Variants in SLC9C1 observed in about 807,000 individuals in gnomAD.
SLC9C1 encodes the protein sodium/hydrogen exchanger 10.
A neutral mutation model predicts 140.9 loss-of-function variants in SLC9C1; 97 were observed. The observed-to-expected ratio is 0.69, with a 90% CI of 0.58 to 0.82. The LOEUF is 0.82. Ranked by LOEUF, SLC9C1 falls within the 40% of genes least tolerant of loss-of-function variation. The pLI, the probability that SLC9C1 is intolerant of heterozygous loss-of-function variation, is 0.00. For missense variants in SLC9C1, 1,340 were observed against 1,389.3 expected, an observed-to-expected ratio of 0.96 and a Z score of 0.56; for synonymous variants, 440 against 442.6, an observed-to-expected ratio of 0.99 and a Z score of 0.07.
At chr3:112,153,708 A>G (rs970350301) in intron 27 of SLC9C1, among the ~76,000 whole-genome samples, 1 of 152,196 alleles carries the variant, frequency 6.6e-6, no homozygotes, top group African/African-American at 2.4e-5. Context: ...ACTCTTTTAT[A>G]GATGAAAAAA....
intron 13 of SLC9C1, among the ~76,000 whole-genome samples, chr3:112,225,626 GAATTGATTAA>G (rs2078663736): frequency 6.6e-6 from 1 of 151,920 alleles, no homozygotes; most frequent in Non-Finnish European, 1.5e-5. Context: ...CAGACTGGCT[GAATTGATTAA>G]AATATAAGAC....
At chr3:112,228,492 G>A (rs9838986) in intron 13 of SLC9C1, among the ~76,000 whole-genome samples, 114,798 of 151,976 alleles carry the variant, frequency 0.76, 43,757 homozygotes, top group East Asian at 0.99. Context: ...CATGGCTACA[G>A]TCTCAAAAGC....
intron 12 of SLC9C1, among the ~76,000 whole-genome samples, chr3:112,233,284 C>G (rs1034411783): frequency 2.0e-5 from 3 of 151,926 alleles, no homozygotes; most frequent in African/African-American, 7.3e-5. Flanking sequence ...CCAGGTTCGT[C>G]TCAAACTGCT....
rs368393572 is a variant in SLC9C1, at chr3:112,272,619, C to T, written c.613+2278G>A. On this transcript the variant is annotated intron_variant, in intron 6 of 28. Coordinates refer to ENST00000305815, the MANE Select transcript of SLC9C1 (RefSeq NM_183061.3). ...TGAAGTTCAGAGAAAGTCCTAATGTCTAAAAAAGTAAATTCATCGTTCTCT... is the reference window on the plus strand; with the variant it reads ...TGAAGTTCAGAGAAAGTCCTAATGTTTAAAAAAGTAAATTCATCGTTCTCT... Among the ~76,000 whole-genome samples the T allele has an allele frequency of 2.3e-4, 35 of 152,246 alleles. 1 individual carries two copies. The highest frequency in any genetic ancestry group is 8.4e-4 in the African/African-American group (35 of 41,542).
At chr3:112,212,886 C>T (rs1007071105) in intron 15 of SLC9C1, among the ~76,000 whole-genome samples, 4 of 152,106 alleles carry the variant, frequency 2.6e-5, no homozygotes, top group African/African-American at 9.7e-5. Flanking sequence ...AGAAGAACAA[C>T]CCCAAGACAC....
In SLC9C1 at chr3:112,240,001, G is replaced by A. The variant is rs186081653; in HGVS notation, c.1285C>T (p.Arg429Cys). 272 of 1,610,020 alleles carry A rather than the reference G, an allele frequency of 1.7e-4. 1 individual carries two copies. In the Admixed American group the frequency reaches 4.0e-3, roughly 24 times the overall value. Reference sequence around the variant, plus strand: ...TTATATTTTGTTGATGTGGCATCACGAAGACCTTTGATACAAACACACATT... The same window carrying A: ...TTATATTTTGTTGATGTGGCATCACAAAGACCTTTGATACAAACACACATT... ...LPVAVTILGL[R>C]DATSTKYKSV... Residue 429 changes from arginine (R) to cysteine (C), a missense_variant, in exon 12 of 29, where the codon CGT becomes TGT. Arg to Cys is a radical substitution (Grantham distance 180). Coordinates refer to ENST00000305815, the MANE Select transcript of SLC9C1 (RefSeq NM_183061.3).
chr3:112,258,446 G>A (rs942403408), intron 10 of SLC9C1, among the ~76,000 whole-genome samples: 1 of 151,578 alleles, frequency 6.6e-6, no homozygotes, highest in Non-Finnish European at 1.5e-5. Flanking sequence ...TTTTGTTTTT[G>A]TTTTTGAGAT....
intron 12 of SLC9C1, among the ~76,000 whole-genome samples, chr3:112,235,746 G>T (rs1346342397): frequency 6.6e-6 from 1 of 152,104 alleles, no homozygotes; most frequent in Non-Finnish European, 1.5e-5. Context: ...TTTGCCTTTG[G>T]TTCTGTTTAT....
chr3:112,233,068 T>TATATATATA (rs59351134), intron 12 of SLC9C1, among the ~76,000 whole-genome samples: 18 of 128,706 alleles, frequency 1.4e-4, no homozygotes, highest in African/African-American at 4.4e-4. Flanking sequence ...TATATATATA[T>TATATATATA]TATATTTTTT....
intron 20 of SLC9C1, among the ~76,000 whole-genome samples, chr3:112,189,715 G>T (rs546935336): frequency 6.6e-6 from 1 of 152,270 alleles, no homozygotes; most frequent in East Asian, 1.9e-4. Flanking sequence ...TAGCAATGCG[G>T]GCTCTTTTTT....
intron 20 of SLC9C1, among the ~76,000 whole-genome samples, chr3:112,197,960 G>A (rs1421413023): frequency 1.3e-5 from 2 of 152,012 alleles, no homozygotes; most frequent in South Asian, 2.1e-4. Context: ...TATTTTTTTG[G>A]GGTAGGGAAC....
intron 20 of SLC9C1, among the ~76,000 whole-genome samples, chr3:112,191,825 C>T (rs1407320102): frequency 6.6e-6 from 1 of 151,932 alleles, no homozygotes; most frequent in Non-Finnish European, 1.5e-5. Flanking sequence ...TATATTTTTT[C>T]ATATGAATTT....
rs77728053 is a variant in SLC9C1 at position 112,150,000 on chromosome 3, C to A, written c.3524+1857G>T. Among the ~76,000 whole-genome samples the A allele has an allele frequency of 2.5e-3, 379 of 152,298 alleles. 2 individuals are homozygous for A. Among genetic ancestry groups the A allele is most frequent in the African/African-American group, 8.6e-3 (356 of 41,540 alleles). The stretch of plus-strand genomic sequence containing the variant: ...GATAAGTTTGTGGTTGCCAAGCTGG[C>A]CCTGGCTGCAAGTCTCACTACCCAG... On this transcript the variant is annotated intron_variant, in intron 28 of 28. Transcript: ENST00000305815.
At chr3:112,244,459 C>T (rs1340889006) in intron 10 of SLC9C1, among the ~76,000 whole-genome samples, 3 of 152,168 alleles carry the variant, frequency 2.0e-5, no homozygotes, top group Non-Finnish European at 2.9e-5. Context: ...ATGGCCACAC[C>T]GTTCTCTATT....
rs149263143 is a variant in SLC9C1, at chr3:112,191,411, A to T, written c.2523+7910T>A. Among the ~76,000 whole-genome samples, 856 of 152,216 alleles carry T rather than the reference A, an allele frequency of 5.6e-3. 4 individuals carry two copies. Among genetic ancestry groups the T allele is most frequent in the Non-Finnish European group, 8.5e-3 (579 of 67,956 alleles). On this transcript the variant is annotated intron_variant, in intron 20 of 28. Transcript: ENST00000305815. Reference sequence around the variant, plus strand: ...GAGTTTTTATTATGAGAGGGTGCTTAATTTTGTCAAATGCCTTTTCTATAT... The same window carrying T: ...GAGTTTTTATTATGAGAGGGTGCTTTATTTTGTCAAATGCCTTTTCTATAT...
At chr3:112,200,786 C>A (rs903170292) in intron 18 of SLC9C1, 24 bp from the exon 19 acceptor site, 10 of 1,583,528 alleles carry the variant, frequency 6.3e-6, no homozygotes, top group Non-Finnish European at 7.8e-6. Context: ...GAAATGTTAT[C>A]CCCATTGGAA....
chr3:112,289,161 T>C (rs2108372454), intron 1 of SLC9C1, among the ~76,000 whole-genome samples: 1 of 152,314 alleles, frequency 6.6e-6, no homozygotes, highest in African/African-American at 2.4e-5. Context: ...AGAAAGGCTG[T>C]CAATGCCCTT....
chr3:112,234,906 A>G (rs1287811012), intron 12 of SLC9C1, among the ~76,000 whole-genome samples: 2 of 152,052 alleles, frequency 1.3e-5, no homozygotes. Context: ...GAAGTCAGGT[A>G]GCATGATGCC....
At chr3:112,205,154 C>T (rs2078011919) in intron 16 of SLC9C1, among the ~76,000 whole-genome samples, 2 of 151,944 alleles carry the variant, frequency 1.3e-5, no homozygotes, top group South Asian at 4.2e-4. Flanking sequence ...TAGAAAACCC[C>T]ATCGTCTCAG....
Sources: gnomAD v4.1 joint callset for allele counts (sites outside exome capture counted in the v4.1 genomes callset) on GRCh38, gnomAD v4.1.1 for gene constraint, MANE v1.5 for transcripts, NCBI Gene and HGNC (gene_info 2026-07-23, HGNC 2026-07-21) for gene names.